Variants in RASSF1 observed in about 807,000 individuals in gnomAD.
The protein encoded by RASSF1 is Ras association domain family member 1, also known as ras association domain-containing protein 1.
A neutral mutation model predicts 34.3 loss-of-function variants in RASSF1; 33 were observed. The ratio of observed to expected loss-of-function variants is 0.96; its 90% confidence interval spans 0.73 to 1.29. RASSF1 has a LOEUF of 1.29. RASSF1 is among the 50% of genes most tolerant of loss of function. The pLI is 0.00. For synonymous variants in RASSF1, 191 were observed against 195.0 expected, an observed-to-expected ratio of 0.98 and a Z score of 0.17; for missense variants, 445 against 471.8, an observed-to-expected ratio of 0.94 and a Z score of 0.53.
At chr3:50,337,348 C>T in intron 2 of RASSF1, 1 of 1,605,840 alleles carries the variant, frequency 6.2e-7, no homozygotes. Flanking sequence ...CCCAGTCCTG[C>T]GCGTCCGTAG....
At chr3:50,337,830 G>C (rs1387064068) in intron 2 of RASSF1, 75 bp downstream of exon 2, 1 of 1,362,604 alleles carries the variant, frequency 7.3e-7, no homozygotes, top group Non-Finnish European at 1.0e-6. Flanking sequence ...GCGGCACCCA[G>C]GCAGCCCTCG....
chr3:50,333,161 T>G (rs587602334), intron 2 of RASSF1, among the ~76,000 whole-genome samples: 2 of 151,154 alleles, frequency 1.3e-5, no homozygotes, highest in Non-Finnish European at 2.9e-5. Context: ...CCTAGTTGAG[T>G]TGGAGTGAGG....
intron 2 of RASSF1, chr3:50,336,499 T>C (rs1035195805): frequency 1.3e-5 from 2 of 152,282 alleles, no homozygotes; most frequent in African/African-American, 4.8e-5. Flanking sequence ...TCCACCTCTT[T>C]AGGCATTTTA....
intron 2 of RASSF1, among the ~76,000 whole-genome samples, chr3:50,336,130 GGACT>G (rs900709720): frequency 6.6e-6 from 1 of 152,200 alleles, no homozygotes; most frequent in Non-Finnish European, 1.5e-5. Flanking sequence ...AAATGGCTCA[GGACT>G]GACTGACATG....
Position 50,340,570 on chromosome 3 carries a change from C to A in RASSF1, c.236G>T (p.Gly79Val), listed in dbSNP as rs757224875. Residue 79 changes from glycine (G) to valine (V), a missense_variant, in exon 1 of 6, where the codon GGC becomes GTC. By Grantham distance (109) the Gly-to-Val change is moderately radical (BLOSUM62 -3). Transcript: ENST00000359365. ...GDFIWGVVRK[G>V]LQCAHCKFTC... Reference sequence around the variant, plus strand: ...CCACTACTCACGCGCGCACTGCAGGCCTTTGCGCACGACGCCCCAGATGAA... The same window carrying A: ...CCACTACTCACGCGCGCACTGCAGGACTTTGCGCACGACGCCCCAGATGAA... The A allele has an allele frequency of 6.5e-6, 10 of 1,542,274 alleles. No individual in the cohort carries two copies. In the South Asian group the frequency reaches 9.4e-5, roughly 15 times the overall value.
intron 1 of RASSF1, chr3:50,338,273 T>G: frequency 1.7e-6 from 2 of 1,184,076 alleles, no homozygotes; most frequent in Non-Finnish European, 2.1e-6. Context: ...CTTTCCTCAT[T>G]GGCAATTAAA....
chr3:50,331,704 G>A lies in RASSF1; in HGVS notation c.615C>T (p.Tyr205=). 6.2e-7 allele frequency: 1 copy of A among 1,613,304 alleles called. No homozygotes were observed. The highest frequency in any genetic ancestry group is 8.5e-7 in the Non-Finnish European group (1 of 1,179,506). ...GGTGCTTGACAGCATCCTTGGGCAG[G>A]TAAAAGGAAGTGCGGCGCCTGACAC... ...GTSVRRRTSF[Y]LPKDAVKHLH... is the part of the protein sequence containing the mutation. The change falls in exon 4 of 6, where the codon TAC becomes TAT. Residue 205 remains tyrosine (Y), a synonymous_variant. Coordinates refer to ENST00000359365, the MANE Select transcript of RASSF1 (RefSeq NM_007182.5).
At chr3:50,339,711 C>T (rs1297007089) in intron 1 of RASSF1, among the ~76,000 whole-genome samples, 6 of 152,172 alleles carry the variant, frequency 3.9e-5, no homozygotes, top group Non-Finnish European at 8.8e-5. Context: ...TGTGCTCCCC[C>T]CAGCTGAATT....
intron 1 of RASSF1, among the ~76,000 whole-genome samples, chr3:50,338,649 A>G (rs1703254626): frequency 6.6e-6 from 1 of 152,034 alleles, no homozygotes; most frequent in Non-Finnish European, 1.5e-5. Flanking sequence ...CCTTTAACCT[A>G]CGTCTGCCCT....
At chr3:50,339,039 A>C (rs888374640) in intron 1 of RASSF1, among the ~76,000 whole-genome samples, 4 of 152,290 alleles carry the variant, frequency 2.6e-5, no homozygotes, top group African/African-American at 9.6e-5. Flanking sequence ...TCTGCCCCAG[A>C]TCCACGGCTG....
chr3:50,330,661 GCTC>G lies in RASSF1; in HGVS notation c.940_942del (p.Glu314del), dbSNP rs1702905842. The G allele has an allele frequency of 3.7e-6, 6 of 1,613,968 alleles. No homozygotes were observed. Among genetic ancestry groups the G allele is most frequent in the South Asian group, 1.1e-5 (1 of 91,090 alleles). ...TACTTCTGCAGGATCTGGCGGAGGT[GCTC>G]CTCCTCCTCCCGCTGCAGGATACGT... On this transcript the variant is annotated inframe_deletion, in exon 6 of 6. Transcript: ENST00000359365. The surrounding 1 kb of genome is among the most constrained non-coding windows in gnomAD (Gnocchi z 4.5).
intron 2 of RASSF1, among the ~76,000 whole-genome samples, chr3:50,335,068 C>T (rs1163412284): frequency 1.3e-5 from 2 of 152,044 alleles, no homozygotes; most frequent in Non-Finnish European, 2.9e-5. Flanking sequence ...TCTGCTTCAG[C>T]CTCCCAAGTA....
In RASSF1 at chr3:50,331,674, A is replaced by T; in HGVS notation, c.645T>A (p.His215Gln). The T allele has an allele frequency of 6.2e-7, 1 of 1,613,158 alleles. No individual in the cohort carries two copies. ...YLPKDAVKHLHVLSRTRAREV... is the reference protein window; with the variant it reads ...YLPKDAVKHLQVLSRTRAREV... Reference sequence around the variant, plus strand: ...CACGTGCCCTTGTGCGTGACAGCACATGCAGGTGCTTGACAGCATCCTTGG... The same window carrying T: ...CACGTGCCCTTGTGCGTGACAGCACTTGCAGGTGCTTGACAGCATCCTTGG... Residue 215 changes from histidine to glutamine, a missense_variant, in exon 4 of 6, where the codon CAT (histidine) becomes CAA (glutamine). His to Gln is a conservative substitution (Grantham distance 24). Coordinates refer to ENST00000359365, the MANE Select transcript of RASSF1 (RefSeq NM_007182.5).
At chr3:50,332,282 G>A in intron 2 of RASSF1, 128 bp from the exon 3 acceptor site, 1 of 705,870 alleles carries the variant, frequency 1.4e-6, no homozygotes, top group Non-Finnish European at 2.4e-6. Context: ...CATATACATA[G>A]CTGGTGCCCA....
rs1702913677 is a variant in RASSF1 at position 50,330,929 on chromosome 3, T to G, written c.877-202A>C. On this transcript the variant is annotated intron_variant, in intron 5 of 5. Coordinates refer to ENST00000359365, the MANE Select transcript of RASSF1 (RefSeq NM_007182.5). This position sits in a 1 kb window ranked among gnomAD's most constrained non-coding sequence, Gnocchi z 4.5. ...GGGCCCTACAAAACGGTCACCTTAC[T>G]GAGACAACCAAGTCAGATGTTCCCC... Among the ~76,000 whole-genome samples, 1 of 152,192 alleles carries G rather than the reference T, an allele frequency of 6.6e-6. No homozygotes were observed. The highest frequency in any genetic ancestry group is 2.1e-4 in the South Asian group (1 of 4,832).
At position 50,330,859 on chromosome 3, in the gene RASSF1, G is replaced by T; in HGVS notation, c.877-132C>A. 9.3e-7 allele frequency: 1 copy of T among 1,071,392 alleles called. No individual in the cohort carries two copies. Among genetic ancestry groups the T allele is most frequent in the Non-Finnish European group, 1.3e-6 (1 of 756,918 alleles). The allele number at this position is 1,071,392 out of a possible 1,614,324, so 66.4% of individuals were successfully genotyped here. On this transcript the variant is annotated intron_variant, in intron 5 of 5. Coordinates refer to ENST00000359365, the MANE Select transcript of RASSF1 (RefSeq NM_007182.5). This position sits in a 1 kb window ranked among gnomAD's most constrained non-coding sequence, Gnocchi z 4.5. ...GCTTTCTGATGTCAGGCTCTTGGCT[G>T]AATGATCTCTGGTAGGATCCCTGAC...
rs749741174 is a variant in RASSF1 at position 50,331,467 on chromosome 3, T to C, written c.761-18A>G. On this transcript the variant is annotated intron_variant, in intron 4 of 5. Transcript: ENST00000359365. ...CAAGTACACTGTGAAGGGGAAGTAA[T>C]GATCAGAGACAGGGCCAGCTGCTCA... The C allele has an allele frequency of 1.9e-6, 3 of 1,578,940 alleles. No homozygotes were observed. The highest frequency in any genetic ancestry group is 2.3e-5 in the East Asian group (1 of 44,100).
At chr3:50,336,356 T>C (rs1703135035) in intron 2 of RASSF1, 1 of 152,264 alleles carries the variant, frequency 6.6e-6, no homozygotes, top group Non-Finnish European at 1.5e-5. Flanking sequence ...TTCTTTTTCC[T>C]GGTGCCTAGG....
chr3:50,333,862 C>A (rs1248285072), intron 2 of RASSF1, among the ~76,000 whole-genome samples: 1 of 152,162 alleles, frequency 6.6e-6, no homozygotes, highest in Non-Finnish European at 1.5e-5. Flanking sequence ...TGGGACAGGG[C>A]AGCCAGGGCT....
Sources: gnomAD v4.1 joint callset for allele counts (sites outside exome capture counted in the v4.1 genomes callset) on GRCh38, gnomAD v4.1.1 for gene constraint, Gnocchi (gnomAD v3.1) non-coding constraint, MANE v1.5 for transcripts, NCBI Gene and HGNC (gene_info 2026-07-23, HGNC 2026-07-21) for gene names.